Variants in LYPLAL1 observed in about 807,000 individuals in gnomAD.
LYPLAL1 encodes lysophospholipase like 1.
A neutral mutation model predicts 19.7 loss-of-function variants in LYPLAL1; 23 were observed. That is an observed-to-expected ratio of 1.17 (90% CI 0.84 to 1.65). LYPLAL1 has a LOEUF of 1.65. Among genes scored for constraint, LYPLAL1 ranks in the 40% most tolerant of loss-of-function variants. The pLI, the probability that LYPLAL1 is intolerant of heterozygous loss-of-function variation, is 0.00. For missense variants in LYPLAL1, 355 were observed against 279.4 expected, an observed-to-expected ratio of 1.27 and a Z score of -1.93; for synonymous variants, 119 against 96.3, an observed-to-expected ratio of 1.24 and a Z score of -1.38.
chr1:219,385,990 T>C, the LYPLAL1 span, among the ~76,000 whole-genome samples: 1 of 152,162 alleles, frequency 6.6e-6, no homozygotes, highest in Non-Finnish European at 1.5e-5. Context: ...CTCCAAACTA[T>C]CACCTGTGTG....
At chr1:219,439,974 C>CACATAT in the LYPLAL1 span, among the ~76,000 whole-genome samples, 1 of 100,180 alleles carries the variant, frequency 1.0e-5, no homozygotes, top group African/African-American at 4.4e-5. Context: ...TATATATATA[C>CACATAT]ATATATATAT....
intron 2 of LYPLAL1, among the ~76,000 whole-genome samples, chr1:219,180,083 G>A (rs1034690035): frequency 1.8e-4 from 28 of 152,114 alleles, no homozygotes; most frequent in African/African-American, 6.7e-4. Context: ...AGCAGCCTTT[G>A]CCTCCCAAGT....
the LYPLAL1 span, among the ~76,000 whole-genome samples, chr1:219,310,251 CA>C: frequency 6.6e-6 from 1 of 152,176 alleles, no homozygotes. Context: ...GGTACAAAAA[CA>C]TTGTACCTAT....
the LYPLAL1 span, among the ~76,000 whole-genome samples, chr1:219,398,644 T>A: frequency 6.6e-6 from 1 of 152,230 alleles, no homozygotes; most frequent in Non-Finnish European, 1.5e-5. Flanking sequence ...TTTTGAGTTG[T>A]CAGAGTTCTT....
At chr1:219,404,364 G>A in the LYPLAL1 span, among the ~76,000 whole-genome samples, 55 of 152,246 alleles carry the variant, frequency 3.6e-4, no homozygotes, top group African/African-American at 1.3e-3. Flanking sequence ...CTTTTCCAGA[G>A]GGGTTGCTAA....
chr1:219,408,999 T>C, the LYPLAL1 span, among the ~76,000 whole-genome samples: 1 of 152,182 alleles, frequency 6.6e-6, no homozygotes, highest in East Asian at 1.9e-4. Flanking sequence ...GTTGGTAGGA[T>C]GCAGGATGGA....
the LYPLAL1 span, among the ~76,000 whole-genome samples, chr1:219,244,116 T>G: frequency 6.6e-6 from 1 of 152,042 alleles, no homozygotes; most frequent in African/African-American, 2.4e-5. Flanking sequence ...TTTTAAAAGT[T>G]TCTGGTAGAG....
At chr1:219,174,307 A>G (rs1321076438) in intron 1 of LYPLAL1, 5 of 1,196,342 alleles carry the variant, frequency 4.2e-6, no homozygotes, top group African/African-American at 1.6e-5. Context: ...TTAGTAAGGT[A>G]AGTCTTCTGC....
intron 3 of LYPLAL1, chr1:219,200,654 C>T (rs28447299): frequency 1.4e-3 from 322 of 224,534 alleles, no homozygotes; most frequent in African/African-American, 7.0e-3. Flanking sequence ...CCTGATGCCA[C>T]GATCTGTCAA....
chr1:219,227,841 A>T, the LYPLAL1 span, among the ~76,000 whole-genome samples: 1 of 152,198 alleles, frequency 6.6e-6, no homozygotes, highest in Admixed American at 6.5e-5. Flanking sequence ...ATCAGCTTGG[A>T]TGCTTTGCAA....
chr1:219,211,920 T>G lies in LYPLAL1; in HGVS notation c.*192T>G, dbSNP rs1405459773. 2.4e-6 allele frequency: 1 copy of G among 410,134 alleles called. No individual in the cohort carries two copies. Among genetic ancestry groups the G allele is most frequent in the Non-Finnish European group, 4.3e-6 (1 of 232,328 alleles). The allele number at this position is 410,134 out of a possible 1,614,324, so 25.4% of individuals were successfully genotyped here. On this transcript the variant is annotated 3_prime_UTR_variant, in exon 5 of 5. Transcript: ENST00000366928. ...ACAATAGACAAACATCTGTGCATAA[T>G]TTTTCAGACACAATTCTGTAAATAT...
At chr1:219,392,751 T>C in the LYPLAL1 span, among the ~76,000 whole-genome samples, 1 of 152,194 alleles carries the variant, frequency 6.6e-6, no homozygotes, top group African/African-American at 2.4e-5. Context: ...TTTACCCAGA[T>C]GAACTTTGGA....
At chr1:219,280,879 T>A in the LYPLAL1 span, among the ~76,000 whole-genome samples, 1 of 152,096 alleles carries the variant, frequency 6.6e-6, no homozygotes. Context: ...CACAACCCCA[T>A]CTCTATTAAA....
chr1:219,396,117 AAAG>A, the LYPLAL1 span, among the ~76,000 whole-genome samples: 6 of 151,746 alleles, frequency 4.0e-5, no homozygotes, highest in South Asian at 2.1e-4. Context: ...AAAAAAAAAA[AAAG>A]AAGGAGTCCA....
the LYPLAL1 span, among the ~76,000 whole-genome samples, chr1:219,218,227 T>C: frequency 8.5e-5 from 13 of 152,210 alleles, no homozygotes; most frequent in Non-Finnish European, 1.6e-4. Flanking sequence ...TGAGCATGTG[T>C]AGTACTTTGA....
the LYPLAL1 span, among the ~76,000 whole-genome samples, chr1:219,416,579 T>G: frequency 6.6e-6 from 1 of 152,192 alleles, no homozygotes; most frequent in African/African-American, 2.4e-5. Context: ...CTATTTATAC[T>G]CATGTGAACC....
the LYPLAL1 span, among the ~76,000 whole-genome samples, chr1:219,419,125 GT>G: frequency 1.3e-5 from 2 of 151,694 alleles, no homozygotes; most frequent in East Asian, 3.9e-4. Context: ...CCATGGGCAG[GT>G]TTCTGTGTGG....
At chr1:219,204,658 A>G (rs1016799263) in intron 3 of LYPLAL1, among the ~76,000 whole-genome samples, 13 of 152,216 alleles carry the variant, frequency 8.5e-5, no homozygotes, top group Non-Finnish European at 1.6e-4. Context: ...TTTTATATAC[A>G]TTAGATCTCC....
the LYPLAL1 span, chr1:219,273,001 A>C: frequency 6.6e-6 from 1 of 152,216 alleles, no homozygotes; most frequent in South Asian, 2.1e-4. Flanking sequence ...AATTAGATTT[A>C]GCAGACAGCC....
Sources: gnomAD v4.1 joint callset for allele counts (sites outside exome capture counted in the v4.1 genomes callset) on GRCh38, gnomAD v4.1.1 for gene constraint, MANE v1.5 for transcripts, NCBI Gene and HGNC (gene_info 2026-07-23, HGNC 2026-07-21) for gene names.